Variants in CMSS1 observed in about 807,000 individuals in gnomAD.
CMSS1 encodes protein CMSS1.
A neutral mutation model predicts 43.5 loss-of-function variants in CMSS1; 33 were observed. The ratio of observed to expected loss-of-function variants is 0.76; its 90% CI spans 0.57 to 1.01. The LOEUF is 1.01. Ranked by LOEUF, CMSS1 falls within the 50% of genes least tolerant of loss-of-function variation. CMSS1 has a pLI of 0.00. For synonymous variants in CMSS1, 115 were observed against 117.2 expected (o/e 0.98, Z 0.12); for missense variants, 313 against 326.4 (o/e 0.96, Z 0.32).
At chr3:100,117,878 T>TATATATATATATATACAC (rs1357671856) in intron 1 of CMSS1, among the ~76,000 whole-genome samples, 1 of 129,084 alleles carries the variant, frequency 7.7e-6, no homozygotes, top group African/African-American at 3.2e-5. Context: ...TATATATATA[T>TATATATATATATATACAC]ACACATACAA....
chr3:100,042,792 G>A (rs964924526), intron 1 of CMSS1, among the ~76,000 whole-genome samples: 5 of 152,152 alleles, frequency 3.3e-5, no homozygotes, highest in Non-Finnish European at 7.3e-5. Context: ...AGAAATACAC[G>A]TTTTAAAGTT....
chr3:100,015,082 T>C (rs1290327555), intron 1 of CMSS1, among the ~76,000 whole-genome samples: 1 of 151,888 alleles, frequency 6.6e-6, no homozygotes, highest in Non-Finnish European at 1.5e-5. Context: ...TTGTACGAGA[T>C]AAGGGTCTAA....
At chr3:100,117,832 T>TATATATATATATATATATAC (rs2066585533) in intron 1 of CMSS1, among the ~76,000 whole-genome samples, 1 of 90,376 alleles carries the variant, frequency 1.1e-5, no homozygotes, top group Non-Finnish European at 2.2e-5. Context: ...GCAGTATATA[T>TATATATATATATATATATAC]ATATATATAT....
At position 99,895,924 on chromosome 3, in the gene CMSS1, A is replaced by G. The variant is rs145967497; in HGVS notation, c.64+77881A>G. ...GGCTGGACAAAGGAACCCATCATCT[A>G]TGTTTGGTCAAGCTCTAAGCTGTAA... On this transcript the variant is annotated intron_variant, in intron 1 of 9. Transcript: ENST00000421999. 1.7e-3 allele frequency among the ~76,000 whole-genome samples: 258 copies of G among 152,270 alleles called. 1 individual carries two copies. Among genetic ancestry groups the G allele is most frequent in the African/African-American group, 6.1e-3 (254 of 41,546 alleles).
chr3:100,018,870 C>A (rs1710421362), intron 1 of CMSS1, among the ~76,000 whole-genome samples: 1 of 151,754 alleles, frequency 6.6e-6, no homozygotes, highest in Non-Finnish European at 1.5e-5. Context: ...CAAATAAGCT[C>A]ATTAAAAAAT....
intron 1 of CMSS1, among the ~76,000 whole-genome samples, chr3:99,860,279 TC>T (rs1219716278): frequency 6.6e-6 from 1 of 152,182 alleles, no homozygotes; most frequent in African/African-American, 2.4e-5. Context: ...TCATTACTCT[TC>T]ATCACCTGAA....
At chr3:99,991,836 A>ATGTGTGTG (rs112596171) in intron 1 of CMSS1, among the ~76,000 whole-genome samples, 9 of 143,508 alleles carry the variant, frequency 6.3e-5, no homozygotes, top group Admixed American at 2.8e-4. Context: ...ATATATATAT[A>ATGTGTGTG]TGTGTGTGTG....
chr3:99,883,010 T>C (rs1309314226), intron 1 of CMSS1, among the ~76,000 whole-genome samples: 1 of 148,618 alleles, frequency 6.7e-6, no homozygotes, highest in African/African-American at 2.4e-5. Flanking sequence ...GCTTGCCAAT[T>C]GGGGGTTCTG....
chr3:99,927,391 C>T (rs1434806899), intron 1 of CMSS1, among the ~76,000 whole-genome samples: 1 of 145,758 alleles, frequency 6.9e-6, no homozygotes, highest in Non-Finnish European at 1.5e-5. Context: ...TTTTTTGAGA[C>T]GGAGTTTCGC....
chr3:100,148,195 C>T (rs1179341316), intron 2 of CMSS1, among the ~76,000 whole-genome samples: 1 of 152,152 alleles, frequency 6.6e-6, no homozygotes. Context: ...CCTCCCACCT[C>T]AGTCTCCTGA....
chr3:100,171,217 CCCTT>C (rs1559779010), intron 6 of CMSS1, among the ~76,000 whole-genome samples: 3 of 152,164 alleles, frequency 2.0e-5, no homozygotes, highest in South Asian at 2.1e-4. Flanking sequence ...CTTCCTCTTT[CCCTT>C]CCTTCCTTCC....
intron 1 of CMSS1, among the ~76,000 whole-genome samples, chr3:100,021,956 TGTGTGAGAGAGA>T (rs1378774113): frequency 4.8e-4 from 45 of 94,608 alleles, no homozygotes; most frequent in African/African-American, 1.4e-3. Context: ...TGTGTGTGTG[TGTGTGAGAGAGA>T]GAGAGAGAGA....
chr3:100,042,611 A>G (rs2065223425), intron 1 of CMSS1, among the ~76,000 whole-genome samples: 1 of 152,256 alleles, frequency 6.6e-6, no homozygotes, highest in Non-Finnish European at 1.5e-5. Flanking sequence ...GTACATAATT[A>G]GAACAATTCC....
intron 1 of CMSS1, among the ~76,000 whole-genome samples, chr3:99,911,730 CTTGTACAT>C (rs1378667888): frequency 6.6e-6 from 1 of 152,192 alleles, no homozygotes; most frequent in Non-Finnish European, 1.5e-5. Flanking sequence ...CTTGAGCACT[CTTGTACAT>C]GCCTCTGTTA....
At chr3:99,959,595 T>G (rs1211483124) in intron 1 of CMSS1, among the ~76,000 whole-genome samples, 1 of 152,218 alleles carries the variant, frequency 6.6e-6, no homozygotes, top group East Asian at 1.9e-4. Flanking sequence ...TATAATTTCT[T>G]TAGCAGTCTG....
chr3:99,923,990 A>G (rs1707205844), intron 1 of CMSS1, among the ~76,000 whole-genome samples: 1 of 152,226 alleles, frequency 6.6e-6, no homozygotes, highest in Non-Finnish European at 1.5e-5. Context: ...CAGCCTTCAC[A>G]GGGCACTCCC....
intron 1 of CMSS1, among the ~76,000 whole-genome samples, chr3:99,960,723 G>A (rs540086566): frequency 1.3e-5 from 2 of 152,256 alleles, no homozygotes; most frequent in South Asian, 2.1e-4. Context: ...CAGGGCTATT[G>A]TTCTTGCTTT....
At chr3:99,924,101 C>T (rs1707210784) in intron 1 of CMSS1, 2 of 786,008 alleles carry the variant, frequency 2.5e-6, no homozygotes, top group East Asian at 2.4e-5. Context: ...TATCCTTTTC[C>T]TCACCCTGGA....
chr3:100,104,651 C>A (rs140945117), intron 1 of CMSS1, among the ~76,000 whole-genome samples: 3 of 152,116 alleles, frequency 2.0e-5, no homozygotes, highest in African/African-American at 7.2e-5. Context: ...GCTTGAGGGC[C>A]TTTTCCTGTT....
Sources: gnomAD v4.1 joint callset for allele counts (sites outside exome capture counted in the v4.1 genomes callset) on GRCh38, gnomAD v4.1.1 for gene constraint, MANE v1.5 for transcripts, NCBI Gene and HGNC (gene_info 2026-07-23, HGNC 2026-07-21) for gene names.